PTBP2: variants seen among roughly 807,000 people sequenced by gnomAD.
PTBP2 encodes polypyrimidine tract binding protein 2.
PTBP2 carries 13 observed loss-of-function variants against 61.4 expected under a neutral mutation model. The ratio of observed to expected loss-of-function variants is 0.21; its 90% CI spans 0.14 to 0.34. The LOEUF (loss-of-function observed/expected upper bound fraction) is 0.34, where lower values mean the gene tolerates loss of function less well. PTBP2 is among the 10% of genes least tolerant of loss of function. PTBP2 has a pLI of 1.00. For synonymous variants in PTBP2, 215 were observed against 218.5 expected, an observed-to-expected ratio of 0.98 and a Z score of 0.14; for missense variants, 405 against 642.6, an observed-to-expected ratio of 0.63 and a Z score of 4.00.
Position 96,751,488 on chromosome 1 carries a change from A to G in PTBP2, c.103A>G (p.Met35Val), listed in dbSNP as rs756293677. ...TAGTCCGAACTCTAATATGAGCAGC[A>G]TGGTAGTTACAGGTAAGTGTTACTC... ...LSSPNSNMSS[M>V]VVTANGNDSK... Residue 35 changes from methionine to valine, a missense_variant, in exon 3 of 14, where the codon ATG (methionine) becomes GTG (valine). By Grantham distance (21) the Met-to-Val change is conservative. Coordinates refer to ENST00000674951, the MANE Select transcript of PTBP2 (RefSeq NM_021190.4). 6.2e-7 allele frequency: 1 copy of G among 1,612,338 alleles called. No homozygotes were observed.
chr1:96,811,069 AT>A (rs201997809), intron 11 of PTBP2, among the ~76,000 whole-genome samples: 1 of 150,868 alleles, frequency 6.6e-6, no homozygotes, highest in Non-Finnish European at 1.5e-5. Flanking sequence ...TTTTTTTTTA[AT>A]TTTTTTAAAC....
chr1:96,739,962 G>T (rs574396664), intron 2 of PTBP2, among the ~76,000 whole-genome samples: 1 of 152,172 alleles, frequency 6.6e-6, no homozygotes, highest in East Asian at 1.9e-4. Context: ...ATGCTCAAAG[G>T]AAGTGCTTAG....
At chr1:96,759,030 A>C (rs1279495211) in intron 3 of PTBP2, among the ~76,000 whole-genome samples, 1 of 152,170 alleles carries the variant, frequency 6.6e-6, no homozygotes, top group African/African-American at 2.4e-5. Context: ...TGAAATTTTA[A>C]AAAATCTGTT....
chr1:96,752,978 G>A (rs1654749654), intron 3 of PTBP2, among the ~76,000 whole-genome samples: 1 of 152,112 alleles, frequency 6.6e-6, no homozygotes, highest in African/African-American at 2.4e-5. Flanking sequence ...AGAGTATACA[G>A]GTCTCACTGA....
At chr1:96,797,694 T>C (rs1201469056) in intron 8 of PTBP2, among the ~76,000 whole-genome samples, 2 of 152,156 alleles carry the variant, frequency 1.3e-5, no homozygotes, top group African/African-American at 4.8e-5. Context: ...ATGTGACCTA[T>C]ACACAACCTC....
At chr1:96,791,837 T>TTTTTTTTG (rs1557759265) in intron 8 of PTBP2, among the ~76,000 whole-genome samples, 12 of 136,888 alleles carry the variant, frequency 8.8e-5, no homozygotes, top group South Asian at 2.5e-4. Context: ...TTTTTTTTTT[T>TTTTTTTTG]TTTTTTTTTT....
At chr1:96,786,884 C>T (rs1185934331) in intron 8 of PTBP2, among the ~76,000 whole-genome samples, 4 of 152,016 alleles carry the variant, frequency 2.6e-5, no homozygotes. Context: ...GTGTATTTGC[C>T]CATCTGGATA....
intron 2 of PTBP2, among the ~76,000 whole-genome samples, chr1:96,730,482 T>G (rs1651249300): frequency 6.6e-6 from 1 of 152,252 alleles, no homozygotes; most frequent in African/African-American, 2.4e-5. Flanking sequence ...TTATTTAATT[T>G]CCAAATATTT....
Position 96,813,174 on chromosome 1 carries a change from G to A in PTBP2, c.1466+68G>A, listed in dbSNP as rs951070403. The A allele has an allele frequency of 2.1e-5, 33 of 1,540,830 alleles. No individual in the cohort carries two copies. The African/African-American group carries it at 2.2e-4, about 10-fold the overall frequency. On this transcript the variant is annotated intron_variant, in intron 13 of 13. Coordinates refer to ENST00000674951, the MANE Select transcript of PTBP2 (RefSeq NM_021190.4). ...TTTTTAAGTAGTTTTTGTTCTTTTC[G>A]TTTATAGAAATTTTTGATTCCGGAA...
At chr1:96,726,743 C>G (rs961236661) in intron 2 of PTBP2, among the ~76,000 whole-genome samples, 1 of 151,864 alleles carries the variant, frequency 6.6e-6, no homozygotes, top group Admixed American at 6.6e-5. Flanking sequence ...AGCCAAAATG[C>G]CAGACTAATT....
chr1:96,722,491 C>G (rs931365711), intron 1 of PTBP2, among the ~76,000 whole-genome samples: 4 of 151,078 alleles, frequency 2.6e-5, no homozygotes, highest in African/African-American at 9.8e-5. Flanking sequence ...AGATGTCATA[C>G]TCCTTTGTTT....
intron 8 of PTBP2, among the ~76,000 whole-genome samples, chr1:96,789,833 T>C (rs1356972113): frequency 1.3e-5 from 2 of 152,136 alleles, no homozygotes; most frequent in Non-Finnish European, 2.9e-5. Context: ...TTGTGACATG[T>C]CTTCTCAAAT....
chr1:96,747,503 G>T (rs1653994869), intron 2 of PTBP2, among the ~76,000 whole-genome samples: 2 of 151,826 alleles, frequency 1.3e-5, no homozygotes, highest in African/African-American at 2.4e-5. Context: ...TTTGTGTATT[G>T]TATTTAGTAG....
Position 96,806,432 on chromosome 1 carries a change from A to C in PTBP2, c.1058A>C (p.Gln353Pro). 6.2e-7 allele frequency: 1 copy of C among 1,602,742 alleles called. No individual in the cohort carries two copies. Among genetic ancestry groups the C allele is most frequent in the Non-Finnish European group, 8.5e-7 (1 of 1,169,754 alleles). ...SNLNEEMVTP[Q>P]SLFTLFGVYG... The stretch of plus-strand genomic sequence containing the variant: ...CTCCTTCTAAAGATGGTTACGCCCC[A>C]AAGTCTGTTTACCCTCTTCGGTATG... Residue 353 changes from glutamine (Q) to proline (P), a missense_variant, in exon 10 of 14, where the codon CAA (glutamine) becomes CCA (proline). By Grantham distance (76) the Gln-to-Pro change is moderately conservative. This residue lies in a region of PTBP2 where 342 missense variants were observed against 491.2 expected (regional missense o/e 0.70). Coordinates refer to ENST00000674951, the MANE Select transcript of PTBP2 (RefSeq NM_021190.4).
chr1:96,742,572 G>C (rs1653176827), intron 2 of PTBP2, among the ~76,000 whole-genome samples: 1 of 151,108 alleles, frequency 6.6e-6, no homozygotes. Context: ...GTTGGGGGCA[G>C]TGGAGGGATT....
intron 5 of PTBP2, among the ~76,000 whole-genome samples, chr1:96,774,099 A>G (rs1283542202): frequency 6.6e-6 from 1 of 151,498 alleles, no homozygotes; most frequent in Non-Finnish European, 1.5e-5. Flanking sequence ...AGCCTCAGCA[A>G]CAAAGCAAGA....
chr1:96,765,099 C>G (rs183350958), intron 3 of PTBP2, among the ~76,000 whole-genome samples: 1 of 152,136 alleles, frequency 6.6e-6, no homozygotes, highest in East Asian at 1.9e-4. Context: ...TAGCAGCATT[C>G]ATTTTTTTTT....
chr1:96,763,605 A>T (rs1294849344), intron 3 of PTBP2, among the ~76,000 whole-genome samples: 21 of 5,182 alleles, frequency 4.1e-3, no homozygotes, highest in Non-Finnish European at 8.1e-3. Flanking sequence ...GAGAGGAGGG[A>T]GGGGGAGGGG....
At chr1:96,726,074 C>CAAAAAAAAAAAAAAA (rs762152365) in intron 2 of PTBP2, among the ~76,000 whole-genome samples, 8 of 54,216 alleles carry the variant, frequency 1.5e-4, no homozygotes, top group Non-Finnish European at 2.2e-4. Context: ...GACTCTATCT[C>CAAAAAAAAAAAAAAA]AAAAAAAAAA....
Sources: allele counts gnomAD v4.1 joint callset (sites outside exome capture counted in the v4.1 genomes callset), GRCh38; gene constraint gnomAD v4.1.1; regional missense constraint gnomAD v4.1.1; transcripts MANE v1.5; gene names NCBI Gene and HGNC (gene_info 2026-07-23, HGNC 2026-07-21).